Variants in CEP162 observed in about 807,000 individuals in gnomAD.
CEP162 encodes centrosomal protein 162.
CEP162 carries 141 observed loss-of-function variants against 169.2 expected under a neutral mutation model. The observed-to-expected ratio is 0.83, with a 90% CI of 0.73 to 0.96. CEP162 has a LOEUF of 0.96. CEP162 is among the 40% of genes least tolerant of loss of function. CEP162 has a pLI of 0.00. For synonymous variants in CEP162, 540 were observed against 526.4 expected (o/e 1.03, Z -0.35); for missense variants, 1,600 against 1,587.2 (o/e 1.01, Z -0.14).
At chr6:84,183,566 C>A (rs1288142484) in intron 13 of CEP162, among the ~76,000 whole-genome samples, 1 of 152,140 alleles carries the variant, frequency 6.6e-6, no homozygotes, top group Non-Finnish European at 1.5e-5. Flanking sequence ...TTTGACCTCA[C>A]TAGGACTCAC....
At position 84,152,739 on chromosome 6, in the gene CEP162, T is replaced by C. The variant is rs992381711; in HGVS notation, c.3435A>G (p.Gly1145=). ...AKKDVLHSSK[G]NANSFPGTLD... Reference sequence around the variant, plus strand: ...GGGTTCCAGGGAAGGAGTTAGCATTTCCTTTACTTGAGTGCAAAACATCTT... The same window carrying C: ...GGGTTCCAGGGAAGGAGTTAGCATTCCCTTTACTTGAGTGCAAAACATCTT... Residue 1145 remains glycine, a synonymous_variant, in exon 23 of 27, where the codon GGA becomes GGG. Transcript: ENST00000403245. The C allele has an allele frequency of 1.2e-6, 2 of 1,613,162 alleles. No homozygotes were observed. The highest frequency in any genetic ancestry group is 2.7e-5 in the African/African-American group (2 of 74,914).
chr6:84,146,695 G>C lies in CEP162; in HGVS notation c.3862C>G (p.Gln1288Glu), dbSNP rs1223706004. 1 of 1,545,306 alleles carries C rather than the reference G, an allele frequency of 6.5e-7. No homozygotes were observed. Among genetic ancestry groups the C allele is most frequent in the South Asian group, 1.2e-5 (1 of 82,424 alleles). ...TTTTGGCCATTTCTTACCTCTTTCT[G>C]TAGAATTTCTTCTCGAACTTCAGAA... ...VVSEVREEIL[Q>E]KEITKLLEEL... is the part of the protein sequence containing the mutation. Residue 1288 changes from glutamine to glutamate, a missense_variant, in exon 25 of 27, where the codon CAG becomes GAG. Transcript: ENST00000403245.
intron 3 of CEP162, among the ~76,000 whole-genome samples, chr6:84,220,587 T>C (rs1228993755): frequency 6.6e-6 from 1 of 152,200 alleles, no homozygotes; most frequent in Non-Finnish European, 1.5e-5. Flanking sequence ...ATTGTGTTAC[T>C]GCCCTTCAGC....
chr6:84,196,990 T>A lies in CEP162; in HGVS notation c.836-1915A>T, dbSNP rs188271854. 4.6e-3 allele frequency among the ~76,000 whole-genome samples: 697 copies of A among 152,282 alleles called. 8 individuals carry two copies. Among genetic ancestry groups the A allele is most frequent in the African/African-American group, 0.016 (663 of 41,566 alleles). On this transcript the variant is annotated intron_variant, in intron 9 of 26. Transcript: ENST00000403245. ...AAAAAGGTCTTGCTTGCAGCATGAA[T>A]GAAAGAGGTCATTAATTTTCAAGAA... is the stretch of plus-strand genomic sequence containing the variant.
chr6:84,164,493 A>G (rs189365469), intron 18 of CEP162, among the ~76,000 whole-genome samples: 1 of 152,266 alleles, frequency 6.6e-6, no homozygotes, highest in African/African-American at 2.4e-5. Flanking sequence ...TGGCACATGT[A>G]CACCATGGAA....
intron 19 of CEP162, among the ~76,000 whole-genome samples, chr6:84,162,265 A>T (rs2099526085): frequency 6.6e-6 from 1 of 152,224 alleles, no homozygotes. Context: ...AACGCCCATA[A>T]TTATACTAAA....
At chr6:84,201,050 G>C (rs988388367) in intron 8 of CEP162, 145 bp from the exon 9 acceptor site, 2 of 404,050 alleles carry the variant, frequency 4.9e-6, no homozygotes, top group Admixed American at 6.8e-5. Context: ...AGGCCAAGGC[G>C]GGCAGATCAC....
chr6:84,204,872 TA>T (rs2099546132), intron 6 of CEP162, among the ~76,000 whole-genome samples: 1 of 151,736 alleles, frequency 6.6e-6, no homozygotes, highest in African/African-American at 2.4e-5. Context: ...ACAGATGCAA[TA>T]AAAAATGGTA....
rs546763367 is a variant in CEP162 at position 84,161,828 on chromosome 6, T to C, written c.2594A>G (p.Tyr865Cys). ...ISRLQKRLQW[Y>C]AENQELLDKD... Reference sequence around the variant, plus strand: ...ATCCAGAAGTTCCTGATTTTCAGCATACCACTGTAATCTTTTTTGCAGACG... The same window carrying C: ...ATCCAGAAGTTCCTGATTTTCAGCACACCACTGTAATCTTTTTTGCAGACG... Residue 865 changes from tyrosine (Y) to cysteine (C), a missense_variant, in exon 20 of 27, where the codon TAT (tyrosine) becomes TGT (cysteine). Tyr to Cys is a radical substitution (Grantham distance 194). Transcript: ENST00000403245. 38 of 1,598,122 alleles carry C rather than the reference T, an allele frequency of 2.4e-5. No homozygotes were observed. Among genetic ancestry groups the C allele is most frequent in the Non-Finnish European group, 3.2e-5 (37 of 1,170,228 alleles).
chr6:84,174,153 C>A lies in CEP162; in HGVS notation c.2061G>T (p.Arg687Ser). Residue 687 changes from arginine to serine, a missense_variant, in exon 16 of 27, where the codon AGG (arginine) becomes AGT (serine). Physicochemically the swap from Arg to Ser is moderately radical, Grantham distance 110. Coordinates refer to ENST00000403245, the MANE Select transcript of CEP162 (RefSeq NM_014895.4). Reference protein sequence around the residue: ...SSFEETNKKQRWLHFGEAADP... With the variant: ...SSFEETNKKQSWLHFGEAADP... Reference sequence around the variant, plus strand: ...CAGCTGCTTCTCCAAAATGTAACCACCTTTGTTTTTTGTTTGTTTCTTCAA... The same window carrying A: ...CAGCTGCTTCTCCAAAATGTAACCAACTTTGTTTTTTGTTTGTTTCTTCAA... 4 of 1,608,266 alleles carry A rather than the reference C, an allele frequency of 2.5e-6. No homozygotes were observed. The highest frequency in any genetic ancestry group is 3.4e-6 in the Non-Finnish European group (4 of 1,176,844).
At chr6:84,125,370 T>C in intron 26 of CEP162, 94 bp from the exon 27 acceptor site, 3 of 1,037,718 alleles carry the variant, frequency 2.9e-6, no homozygotes, top group East Asian at 4.9e-5. Context: ...TGGGGTTTCT[T>C]TGGGGAACTC....
At chr6:84,144,896 C>T (rs939135439) in intron 25 of CEP162, among the ~76,000 whole-genome samples, 17 of 152,048 alleles carry the variant, frequency 1.1e-4, no homozygotes, top group African/African-American at 3.6e-4. Context: ...CTCTATCTCT[C>T]CAGAAACCAT....
intron 2 of CEP162, among the ~76,000 whole-genome samples, chr6:84,222,183 G>A (rs995058197): frequency 6.6e-6 from 1 of 152,058 alleles, no homozygotes; most frequent in African/African-American, 2.4e-5. Context: ...AACCAAAACA[G>A]CTCTCCTCCA....
Position 84,133,443 on chromosome 6 carries a change from T to C in CEP162, c.3871-6931A>G, listed in dbSNP as rs540397656. 2.2e-3 allele frequency among the ~76,000 whole-genome samples: 339 copies of C among 152,334 alleles called. 1 individual carries two copies. Among genetic ancestry groups the C allele is most frequent in the Middle Eastern group, 6.8e-3 (2 of 294 alleles). On this transcript the variant is annotated intron_variant, in intron 25 of 26. Coordinates refer to ENST00000403245, the MANE Select transcript of CEP162 (RefSeq NM_014895.4). Reference sequence around the variant, plus strand: ...GTTTCTGCTGCCTTTTGTTTGGCTATGCCCTGCCCCCAGAGGTGGAGTCTA... The same window carrying C: ...GTTTCTGCTGCCTTTTGTTTGGCTACGCCCTGCCCCCAGAGGTGGAGTCTA...
intron 13 of CEP162, among the ~76,000 whole-genome samples, chr6:84,182,046 A>C (rs1285098088): frequency 6.6e-6 from 1 of 152,066 alleles, no homozygotes; most frequent in Admixed American, 6.6e-5. Flanking sequence ...TTCTTCTTAT[A>C]GATATAAGTA....
intron 10 of CEP162, 86 bp downstream of exon 10, chr6:84,194,798 C>G: frequency 1.9e-6 from 2 of 1,079,204 alleles, no homozygotes; most frequent in East Asian, 2.6e-5. Context: ...ACAATCACTA[C>G]AGCAAATTGT....
In CEP162 at chr6:84,226,385, G is replaced by C; in HGVS notation, c.9C>G (p.Asn3Lys). MANCSQEELDEEF... is the reference protein window; with the variant it reads MAKCSQEELDEEF... ...CTTCATCTAGCTCTTCTTGGGAACA[G>C]TTAGCCATAGTCAACAATTTTGACC... The change falls in exon 2 of 27, where the codon AAC becomes AAG. Residue 3 changes from asparagine (N) to lysine (K), a missense_variant. Transcript: ENST00000403245. The C allele has an allele frequency of 1.9e-6, 3 of 1,568,378 alleles. No individual in the cohort carries two copies. The highest frequency in any genetic ancestry group is 3.7e-5 in the Admixed American group (2 of 53,432).
intron 2 of CEP162, 95 bp from the exon 3 acceptor site, chr6:84,221,266 G>C: frequency 1.6e-6 from 1 of 637,804 alleles, no homozygotes; most frequent in South Asian, 2.0e-5. Context: ...TTCGCTCACA[G>C]TTCAGCTATC....
intron 25 of CEP162, among the ~76,000 whole-genome samples, chr6:84,133,659 T>C (rs1418944335): frequency 6.6e-6 from 1 of 152,218 alleles, no homozygotes; most frequent in Non-Finnish European, 1.5e-5. Context: ...TTGGACCCTC[T>C]GAGCCATGCG....
Sources: allele counts gnomAD v4.1 joint callset (sites outside exome capture counted in the v4.1 genomes callset), GRCh38; gene constraint gnomAD v4.1.1; transcripts MANE v1.5; gene names NCBI Gene and HGNC (gene_info 2026-07-23, HGNC 2026-07-21).